Variants in HTR3C observed in about 807,000 individuals in gnomAD.
HTR3C encodes 5-hydroxytryptamine receptor 3C, also known as 5-HT3-C.
Under a neutral mutation model 40.5 loss-of-function variants are expected in HTR3C, and 32 were observed. The observed-to-expected ratio is 0.79, with a 90% CI of 0.60 to 1.06. HTR3C has a LOEUF of 1.06. Ranked by LOEUF, HTR3C falls within the 50% of genes least tolerant of loss-of-function variation. The probability of loss-of-function intolerance (pLI) is 0.00; values close to 1 mark genes in which losing one functional copy is unlikely to be tolerated. For missense variants in HTR3C, 523 were observed against 556.8 expected, an observed-to-expected ratio of 0.94 and a Z score of 0.61; for synonymous variants, 209 against 217.1, an observed-to-expected ratio of 0.96 and a Z score of 0.33.
chr3:184,058,792 G>A (rs1444356068), intron 6 of HTR3C, among the ~76,000 whole-genome samples: 3 of 151,894 alleles, frequency 2.0e-5, no homozygotes, highest in Non-Finnish European at 2.9e-5. Context: ...GTGAAACCCC[G>A]TCTCTAATTT....
At position 184,058,410 on chromosome 3, in the gene HTR3C, A is replaced by T; in HGVS notation, c.560-17A>T. On this transcript the variant is annotated splice_polypyrimidine_tract_variant and intron_variant, in intron 5 of 8. Transcript: ENST00000318351. ...TTGGGAAAACGTCTGCAATGAACTG[A>T]CCGGCCTCCCTTCCAGTGGACAGCA... 6.3e-7 allele frequency: 1 copy of T among 1,589,266 alleles called. No individual in the cohort carries two copies. Among genetic ancestry groups the T allele is most frequent in the Non-Finnish European group, 8.5e-7 (1 of 1,170,574 alleles).
At chr3:184,058,301 C>A in intron 5 of HTR3C, 126 bp from the exon 6 acceptor site, 4 of 899,724 alleles carry the variant, frequency 4.4e-6, no homozygotes, top group Admixed American at 3.7e-5. Context: ...CTGAGAAAAC[C>A]AGGATACCTT....
At position 184,058,296 on chromosome 3, in the gene HTR3C, A is replaced by G. The variant is rs116362419; in HGVS notation, c.560-131A>G. On this transcript the variant is annotated intron_variant, in intron 5 of 8. Coordinates refer to ENST00000318351, the MANE Select transcript of HTR3C (RefSeq NM_130770.3). ...GCTAGTCGGGTAACCCACTTCTGAG[A>G]AAACCAGGATACCTTGCTTTAAAAG... The G allele has an allele frequency of 3.1e-5, 27 of 860,294 alleles. No individual in the cohort carries two copies. In the African/African-American group the frequency reaches 3.5e-4, roughly 11 times the overall value. The allele number at this position is 860,294 out of a possible 1,614,324, so 53.3% of individuals were successfully genotyped here. A position where few individuals can be genotyped will look rare whatever the true frequency, so the allele number is the denominator to read the frequency against.
At chr3:184,057,108 T>C in intron 5 of HTR3C, 64 bp downstream of exon 5, 1 of 1,292,332 alleles carries the variant, frequency 7.7e-7, no homozygotes, top group Non-Finnish European at 1.1e-6. Flanking sequence ...GGTGTAGGTA[T>C]CATTAGAAAA....
chr3:184,059,686 A>T, intron 7 of HTR3C, 46 bp downstream of exon 7: 1 of 1,606,822 alleles, frequency 6.2e-7, no homozygotes, highest in Non-Finnish European at 8.5e-7. Context: ...ACCCGGGGCC[A>T]GGGAGGAGGG....
chr3:184,057,176 A>G, intron 5 of HTR3C, 132 bp downstream of exon 5: 1 of 617,718 alleles, frequency 1.6e-6, no homozygotes, highest in Non-Finnish European at 2.8e-6. Flanking sequence ...TGAAAATACC[A>G]ATAACTGGCC....
At chr3:184,059,689 G>A in intron 7 of HTR3C, 49 bp downstream of exon 7, 1 of 1,606,664 alleles carries the variant, frequency 6.2e-7, no homozygotes, top group Non-Finnish European at 8.5e-7. Flanking sequence ...CGGGGCCAGG[G>A]AGGAGGGCCA....
rs766558110 is a variant in HTR3C, at chr3:184,058,591, A to G, written c.720+4A>G. 4.4e-6 allele frequency: 7 copies of G among 1,606,814 alleles called. No homozygotes were observed. The Admixed American group carries it at 1.2e-4, about 27-fold the overall frequency. ...ATATGACCAGATCATGTTTTATGTG[A>G]GTCCAGGGGCCCCTGTTTGACTTCT... On this transcript the variant is annotated splice_donor_region_variant and intron_variant, in intron 6 of 8. Coordinates refer to ENST00000318351, the MANE Select transcript of HTR3C (RefSeq NM_130770.3).
intron 4 of HTR3C, among the ~76,000 whole-genome samples, chr3:184,056,510 G>A (rs565107445): frequency 2.6e-5 from 4 of 152,320 alleles, no homozygotes; most frequent in Admixed American, 2.6e-4. Flanking sequence ...ACTTTGGGAG[G>A]CCGAGGCAGG....
At position 184,060,654 on chromosome 3, in the gene HTR3C, A is replaced by C; in HGVS notation, c.*302A>C. Reference sequence around the variant, plus strand: ...GAGTCTCTCCTTGATTGATCACCCCAATAAACAACTTTCCAGGAAGCACTG... The same window carrying C: ...GAGTCTCTCCTTGATTGATCACCCCCATAAACAACTTTCCAGGAAGCACTG... On this transcript the variant is annotated 3_prime_UTR_variant, in exon 9 of 9. Transcript: ENST00000318351. The C allele has an allele frequency of 2.4e-6, 1 of 417,906 alleles. No individual in the cohort carries two copies. The highest frequency in any genetic ancestry group is 4.4e-6 in the Non-Finnish European group (1 of 229,536). 25.9% of individuals were successfully genotyped at this position (417,906 alleles called of 1,614,324 possible).
chr3:184,060,373 G>GCAAA lies in HTR3C; in HGVS notation c.*25_*28dup, dbSNP rs1160300014. ...CCTAGGCAGACATCCCCCCTCTCTG[G>GCAAA]CAAACAACAGCTTGGAGTTTCTGCT... On this transcript the variant is annotated 3_prime_UTR_variant, in exon 9 of 9. Coordinates refer to ENST00000318351, the MANE Select transcript of HTR3C (RefSeq NM_130770.3). The GCAAA allele has an allele frequency of 6.2e-7, 1 of 1,613,686 alleles. No homozygotes were observed. The highest frequency in any genetic ancestry group is 8.5e-7 in the Non-Finnish European group (1 of 1,179,834).
intron 4 of HTR3C, among the ~76,000 whole-genome samples, chr3:184,056,562 C>T (rs1723330451): frequency 6.6e-6 from 1 of 152,202 alleles, no homozygotes; most frequent in African/African-American, 2.4e-5. Flanking sequence ...GCCTGGCCAA[C>T]ATGGTGAAAC....
chr3:184,056,216 T>A lies in HTR3C; in HGVS notation c.319T>A (p.Cys107Ser). Residue 107 changes from cysteine to serine, a missense_variant, in exon 4 of 9, where the codon TGT (cysteine) becomes AGT (serine). Physicochemically the swap from Cys to Ser is moderately radical, Grantham distance 112 (BLOSUM62 -1). Coordinates refer to ENST00000318351, the MANE Select transcript of HTR3C (RefSeq NM_130770.3). ...TTTCATTAATTGGAACCCAAAAGAG[T>A]GTGTTGGCATCAATAAACTCACAGT... is the stretch of plus-strand genomic sequence containing the variant. ...NPFINWNPKE[C>S]VGINKLTVLA... The A allele has an allele frequency of 6.8e-6, 11 of 1,613,392 alleles. No individual in the cohort carries two copies. Among genetic ancestry groups the A allele is most frequent in the Non-Finnish European group, 9.3e-6 (11 of 1,179,782 alleles).
chr3:184,059,381 C>A (rs1264058519), intron 6 of HTR3C, 55 bp from the exon 7 acceptor site: 7 of 1,510,390 alleles, frequency 4.6e-6, no homozygotes, highest in African/African-American at 2.8e-5. Context: ...GTCAGATATA[C>A]AAATTGAGCC....
chr3:184,059,809 T>C lies in HTR3C; in HGVS notation c.926-19T>C, dbSNP rs1273912319. 1.9e-6 allele frequency: 3 copies of C among 1,613,592 alleles called. No individual in the cohort carries two copies. Among genetic ancestry groups the C allele is most frequent in the Non-Finnish European group, 2.5e-6 (3 of 1,179,576 alleles). Reference sequence around the variant, plus strand: ...GAGATAAATTTGCCTGGTTTATTTATAATTTGCTCTGCCCTCAGGTGTCTA... The same window carrying C: ...GAGATAAATTTGCCTGGTTTATTTACAATTTGCTCTGCCCTCAGGTGTCTA... On this transcript the variant is annotated intron_variant, in intron 7 of 8. Transcript: ENST00000318351.
chr3:184,054,282 C>A (rs1425940348), intron 1 of HTR3C, among the ~76,000 whole-genome samples: 2 of 152,158 alleles, frequency 1.3e-5, no homozygotes, highest in Non-Finnish European at 2.9e-5. Flanking sequence ...TAAATCAGTT[C>A]TTGCCTTCAG....
intron 1 of HTR3C, among the ~76,000 whole-genome samples, chr3:184,053,577 TC>T (rs1431219456): frequency 1.1e-4 from 17 of 152,132 alleles, no homozygotes; most frequent in Non-Finnish European, 2.1e-4. Context: ...TTGTTCCCAA[TC>T]TGGACACATA....
At chr3:184,056,069 C>CAA in intron 3 of HTR3C, 108 bp from the exon 4 acceptor site, 1 of 709,938 alleles carries the variant, frequency 1.4e-6, no homozygotes, top group South Asian at 1.7e-5. Flanking sequence ...ATTAGGGTCA[C>CAA]AAATGGGAGT....
intron 2 of HTR3C, 97 bp downstream of exon 2, chr3:184,054,984 A>C (rs1200705151): frequency 8.1e-7 from 1 of 1,237,878 alleles, no homozygotes; most frequent in African/African-American, 1.6e-5. Flanking sequence ...CGTGGTGAAC[A>C]ATAGGCACCC....
Sources: allele counts gnomAD v4.1 joint callset (sites outside exome capture counted in the v4.1 genomes callset), GRCh38; gene constraint gnomAD v4.1.1; transcripts MANE v1.5; gene names NCBI Gene and HGNC (gene_info 2026-07-23, HGNC 2026-07-21).